ZNF385D: variants seen among roughly 807,000 people sequenced by gnomAD.
ZNF385D encodes zinc finger protein 659.
ZNF385D carries 15 observed loss-of-function variants against 35.8 expected under a neutral mutation model. That is an observed-to-expected ratio of 0.42 (90% CI 0.28 to 0.64). ZNF385D has a LOEUF of 0.64. ZNF385D is among the 30% of genes least tolerant of loss of function. The pLI, the probability that ZNF385D is intolerant of heterozygous loss-of-function variation, is 0.23. For missense variants in ZNF385D, 474 were observed against 494.6 expected, an observed-to-expected ratio of 0.96 and a Z score of 0.39; for synonymous variants, 212 against 186.8, an observed-to-expected ratio of 1.13 and a Z score of -1.10.
intron 3 of ZNF385D, among the ~76,000 whole-genome samples, chr3:22,095,658 T>A (rs1473014660): frequency 6.2e-5 from 8 of 128,692 alleles, no homozygotes; most frequent in Non-Finnish European, 1.3e-4. Context: ...TTGCAGGAAA[T>A]TGATTTCTTT....
In ZNF385D at chr3:22,315,783, T is replaced by C. The variant is rs190820711; in HGVS notation, c.106+56667A>G. Among the ~76,000 whole-genome samples the C allele has an allele frequency of 2.0e-5, 3 of 152,258 alleles. No individual in the cohort carries two copies. In the East Asian group the frequency reaches 5.8e-4, roughly 30 times the overall value. The stretch of plus-strand genomic sequence containing the variant: ...CCATGGGAGGAATTTAGTTTATAGT[T>C]TAACTTTAAAGCAAGGATGATAATA... On this transcript the variant is annotated intron_variant, in intron 2 of 5. Coordinates refer to the ZNF385D transcript ENST00000494108.
chr3:21,926,484 A>G (rs1160187004), intron 3 of ZNF385D, among the ~76,000 whole-genome samples: 1 of 152,168 alleles, frequency 6.6e-6, no homozygotes, highest in East Asian at 1.9e-4. Context: ...TTATGGCTGC[A>G]TAGTATTCCA....
chr3:22,108,607 G>C (rs941454457), intron 3 of ZNF385D, among the ~76,000 whole-genome samples: 1 of 152,078 alleles, frequency 6.6e-6, no homozygotes. Flanking sequence ...ACTAAGAGAG[G>C]GGCCTTAGAA....
At chr3:21,972,914 G>T (rs1015481250) in intron 3 of ZNF385D, among the ~76,000 whole-genome samples, 1 of 151,886 alleles carries the variant, frequency 6.6e-6, no homozygotes, top group East Asian at 1.9e-4. Flanking sequence ...TAATGTGATC[G>T]AAGCCATAAT....
intron 3 of ZNF385D, among the ~76,000 whole-genome samples, chr3:21,999,158 T>C (rs569711791): frequency 6.6e-6 from 1 of 152,188 alleles, no homozygotes; most frequent in East Asian, 1.9e-4. Context: ...GCATTTCCTC[T>C]GAGGTTCTGT....
rs548805961 is a variant in ZNF385D, at chr3:21,883,238, A to T, written c.326-218210T>A. ...TTATGTGATTATTTGATCTGTAAGAATTTGTGCCTAGGAAAAATTCAAATT... is the reference window on the plus strand; with the variant it reads ...TTATGTGATTATTTGATCTGTAAGATTTTGTGCCTAGGAAAAATTCAAATT... On this transcript the variant is annotated intron_variant, in intron 3 of 5. Transcript: ENST00000494108. Among the ~76,000 whole-genome samples, 9 of 152,082 alleles carry T rather than the reference A, an allele frequency of 5.9e-5. No homozygotes were observed. In the South Asian group the frequency reaches 1.9e-3, roughly 32 times the overall value.
At chr3:21,879,013 CTT>C (rs1181053860) in intron 3 of ZNF385D, among the ~76,000 whole-genome samples, 2 of 151,960 alleles carry the variant, frequency 1.3e-5, no homozygotes, top group East Asian at 3.9e-4. Context: ...CAGTAGTTCT[CTT>C]GTGATACACT....
intron 3 of ZNF385D, among the ~76,000 whole-genome samples, chr3:22,082,231 G>C (rs1451260381): frequency 6.6e-6 from 1 of 152,126 alleles, no homozygotes; most frequent in East Asian, 1.9e-4. Context: ...CGGAGGGTGA[G>C]CTGAAGCAGG....
At chr3:22,339,134 C>T (rs73136324) in intron 2 of ZNF385D, among the ~76,000 whole-genome samples, 1,978 of 152,260 alleles carry the variant, frequency 0.013, 40 homozygotes, top group African/African-American at 0.045. Context: ...GCATGTGCTC[C>T]TGTACGCTGC....
intron 2 of ZNF385D, among the ~76,000 whole-genome samples, chr3:22,327,107 A>C (rs928626632): frequency 1.3e-5 from 2 of 152,194 alleles, no homozygotes; most frequent in African/African-American, 4.8e-5. Context: ...ATATTGACTA[A>C]AGTGAATTCT....
intron 3 of ZNF385D, among the ~76,000 whole-genome samples, chr3:22,094,483 G>A (rs575224833): frequency 2.4e-4 from 31 of 129,046 alleles, no homozygotes; most frequent in African/African-American, 8.3e-4. Context: ...GACATTGATT[G>A]AGGGTAACTC....
intron 2 of ZNF385D, among the ~76,000 whole-genome samples, chr3:22,178,641 A>C (rs1694999055): frequency 6.6e-6 from 1 of 152,102 alleles, no homozygotes; most frequent in Non-Finnish European, 1.5e-5. Flanking sequence ...GGTGTTTTAG[A>C]CATGAAGTCC....
intron 5 of ZNF385D, among the ~76,000 whole-genome samples, chr3:21,436,667 A>G (rs1701566695): frequency 6.6e-6 from 1 of 152,178 alleles, no homozygotes; most frequent in African/African-American, 2.4e-5. Context: ...ATGTAAATAA[A>G]TAAACAAACT....
chr3:22,244,141 G>C (rs1699639016), intron 2 of ZNF385D, among the ~76,000 whole-genome samples: 1 of 150,278 alleles, frequency 6.7e-6, no homozygotes, highest in Non-Finnish European at 1.5e-5. Flanking sequence ...AAAAGTGTTA[G>C]TACTCTGTGC....
At chr3:21,532,359 G>T (rs187256150) in intron 3 of ZNF385D, among the ~76,000 whole-genome samples, 2 of 152,294 alleles carry the variant, frequency 1.3e-5, no homozygotes, top group African/African-American at 4.8e-5. Context: ...ATATATCAGT[G>T]TGGGGGAGGG....
chr3:21,873,418 C>T (rs1300864193), intron 3 of ZNF385D, among the ~76,000 whole-genome samples: 1 of 152,122 alleles, frequency 6.6e-6, no homozygotes, highest in African/African-American at 2.4e-5. Context: ...TTCCTGTTCT[C>T]ACATATAATA....
At chr3:21,955,331 A>T (rs968364517) in intron 3 of ZNF385D, among the ~76,000 whole-genome samples, 2 of 152,062 alleles carry the variant, frequency 1.3e-5, no homozygotes, top group African/African-American at 4.8e-5. Context: ...ACAGGGCATG[A>T]AAGAAAAAAC....
chr3:22,036,009 T>G (rs185520099), intron 3 of ZNF385D, among the ~76,000 whole-genome samples: 1 of 152,130 alleles, frequency 6.6e-6, no homozygotes, highest in Non-Finnish European at 1.5e-5. Context: ...ATAAGACTTA[T>G]GTGTTTTTCT....
intron 5 of ZNF385D, among the ~76,000 whole-genome samples, chr3:21,433,065 A>G (rs1701376544): frequency 6.6e-6 from 1 of 152,144 alleles, no homozygotes; most frequent in African/African-American, 2.4e-5. Flanking sequence ...AAAGACAGAT[A>G]TATACAAAGG....
Sources: allele counts gnomAD v4.1 joint callset (sites outside exome capture counted in the v4.1 genomes callset), GRCh38; gene constraint gnomAD v4.1.1; transcripts MANE v1.5; gene names NCBI Gene and HGNC (gene_info 2026-07-23, HGNC 2026-07-21).